Variants in USP21 observed in about 807,000 individuals in gnomAD.
The protein encoded by USP21 is ubiquitin specific peptidase 21.
In USP21, 37 loss-of-function variants were observed where a neutral mutation model predicts 70.8. The observed-to-expected ratio is 0.52, with a 90% CI of 0.40 to 0.69. The LOEUF is 0.69. Among genes scored for constraint, USP21 ranks in the 30% least tolerant of loss-of-function variants. The pLI is 0.00. For synonymous variants in USP21, 263 were observed against 283.1 expected (o/e 0.93, Z 0.71); for missense variants, 584 against 740.8 (o/e 0.79, Z 2.46).
chr1:161,163,097 C>A (rs779342428), intron 7 of USP21, 23 bp downstream of exon 7: 2 of 1,565,046 alleles, frequency 1.3e-6, no homozygotes, highest in Admixed American at 4.0e-5. Flanking sequence ...CCCTCTACCT[C>A]CTTTCCCCGT....
intron 8 of USP21, 80 bp downstream of exon 8, chr1:161,163,699 A>G (rs942919068): frequency 6.8e-7 from 1 of 1,472,624 alleles, no homozygotes; most frequent in East Asian, 2.3e-5. Context: ...CGATACTATC[A>G]AGGGGTATGG....
chr1:161,161,086 C>T lies in USP21; in HGVS notation c.446C>T (p.Pro149Leu), dbSNP rs762176011. 7.4e-6 allele frequency: 12 copies of T among 1,614,132 alleles called. No individual in the cohort carries two copies. The highest frequency in any genetic ancestry group is 6.7e-5 in the African/African-American group (5 of 74,940). ...CGCTTGGCCCTCCGGCCTGAGCCAC[C>T]CACTTTGAGACGTAGCACTTCTCTC... Reference protein sequence around the residue: ...LSRLALRPEPPTLRRSTSLRR... With the variant: ...LSRLALRPEPLTLRRSTSLRR... The change falls in exon 3 of 14, where the codon CCC becomes CTC. Residue 149 changes from proline to leucine, a missense_variant. By Grantham distance (98) the Pro-to-Leu change is moderately conservative. Around this residue, in one of 4 missense-constraint regions of USP21, gnomAD observed 284 missense variants for 281.0 expected, o/e 1.01. Transcript: ENST00000368002. The surrounding 1 kb of genome is among the most constrained non-coding windows in gnomAD (Gnocchi z 4.2).
In USP21 at chr1:161,164,883, T is replaced by C. The variant is rs763064946; in HGVS notation, c.1433T>C (p.Val478Ala). ...ASRGSIKKSS[V>A]GVDFPLQRLS... is the part of the protein sequence containing the mutation. ...CGAGGCTCCATCAAAAAAAGTTCAG[T>C]AGGTGTAGACTTTCCACTGCAGCGA... Residue 478 changes from valine (V) to alanine (A), a missense_variant, in exon 12 of 14, where the codon GTA becomes GCA. By Grantham distance (64) the Val-to-Ala change is moderately conservative. Transcript: ENST00000368002. The surrounding 1 kb of genome is among the most constrained non-coding windows in gnomAD (Gnocchi z 4.2). 3 of 1,614,092 alleles carry C rather than the reference T, an allele frequency of 1.9e-6. No individual in the cohort carries two copies. The highest frequency in any genetic ancestry group is 2.5e-6 in the Non-Finnish European group (3 of 1,179,988).
Position 161,161,805 on chromosome 1 carries a change from G to C in USP21, c.601-233G>C, listed in dbSNP as rs1313028605. 1.7e-6 allele frequency: 1 copy of C among 571,966 alleles called. No homozygotes were observed. Among genetic ancestry groups the C allele is most frequent in the Non-Finnish European group, 3.1e-6 (1 of 318,250 alleles). 35.4% of individuals were successfully genotyped at this position (571,966 alleles called of 1,614,324 possible). ...GTCAGCTAGCTGAGCAGAGGAGTAA[G>C]TGGGCAACAGGTGGGACAGCCATGG... is the stretch of plus-strand genomic sequence containing the variant. On this transcript the variant is annotated intron_variant, in intron 3 of 13. Coordinates refer to ENST00000368002, the MANE Select transcript of USP21 (RefSeq NM_001014443.3). The surrounding 1 kb of genome is among the most constrained non-coding windows in gnomAD (Gnocchi z 4.2).
At position 161,165,081 on chromosome 1, in the gene USP21, C is replaced by T. The variant is rs778485772; in HGVS notation, c.1545C>T (p.His515=). 3 of 1,614,064 alleles carry T rather than the reference C, an allele frequency of 1.9e-6. No individual in the cohort carries two copies. The highest frequency in any genetic ancestry group is 2.5e-6 in the Non-Finnish European group (3 of 1,180,024). The part of the protein sequence containing the change: ...YALCNHSGSV[H]YGHYTALCRC... ...TTTGCAACCACTCAGGCAGCGTCCA[C>T]TATGGCCACTACACAGCCCTGTGCC... is the stretch of plus-strand genomic sequence containing the variant. Residue 515 remains histidine (H), a synonymous_variant, in exon 13 of 14, where the codon CAC becomes CAT. Coordinates refer to ENST00000368002, the MANE Select transcript of USP21 (RefSeq NM_001014443.3).
rs770960871 is a variant in USP21, at chr1:161,165,393, C to T, written c.1644C>T (p.Ser548=). The T allele has an allele frequency of 1.2e-6, 2 of 1,614,018 alleles. No homozygotes were observed. The highest frequency in any genetic ancestry group is 1.7e-5 in the Admixed American group (1 of 60,000). Residue 548 remains serine, a synonymous_variant, in exon 14 of 14, where the codon AGC becomes AGT. Coordinates refer to ENST00000368002, the MANE Select transcript of USP21 (RefSeq NM_001014443.3). ...TCAGTGAAAACCAGGTGGCATCCAG[C>T]GAGGGCTACGTGCTGTTCTACCAAC... ...SPVSENQVAS[S]EGYVLFYQLM...
chr1:161,160,425 G>T lies in USP21; in HGVS notation c.-103G>T. 1 of 639,334 alleles carries T rather than the reference G, an allele frequency of 1.6e-6. No homozygotes were observed. Among genetic ancestry groups the T allele is most frequent in the African/African-American group, 1.8e-5 (1 of 55,174 alleles). 39.6% of individuals were successfully genotyped at this position (639,334 alleles called of 1,614,324 possible). ...GGTTCCTGCCCTCAGTGCGTATACT[G>T]CTCCCCACTTTCGTTGATGTGGTAG... is the stretch of plus-strand genomic sequence containing the variant. On this transcript the variant is annotated 5_prime_UTR_variant, in exon 2 of 14. Transcript: ENST00000368002.
chr1:161,163,754 A>AT (rs1344349512), intron 8 of USP21, 124 bp from the exon 9 acceptor site: 1 of 1,329,870 alleles, frequency 7.5e-7, no homozygotes, highest in Non-Finnish European at 1.1e-6. Context: ...TGAAGAGTTG[A>AT]TTAGGAGTGT....
At position 161,160,881 on chromosome 1, in the gene USP21, C is replaced by T; in HGVS notation, c.241C>T (p.Pro81Ser). 2 of 1,614,222 alleles carry T rather than the reference C, an allele frequency of 1.2e-6. No individual in the cohort carries two copies. The highest frequency in any genetic ancestry group is 1.3e-5 in the African/African-American group (1 of 75,058). Residue 81 changes from proline (P) to serine (S), a missense_variant, in exon 3 of 14, where the codon CCC becomes TCC. By Grantham distance (74) the Pro-to-Ser change is moderately conservative (BLOSUM62 -1). This residue lies in a region of USP21 where 284 missense variants were observed against 281.0 expected (regional missense o/e 1.01). Transcript: ENST00000368002. Reference sequence around the variant, plus strand: ...GACCTCAGGCCCTCGTCCCAGAGGCCCCCTTCGAGCAGATCATGGGGTTCC... The same window carrying T: ...GACCTCAGGCCCTCGTCCCAGAGGCTCCCTTCGAGCAGATCATGGGGTTCC... ...GRTSGPRPRGPLRADHGVPLP... is the reference protein window; with the variant it reads ...GRTSGPRPRGSLRADHGVPLP...
In USP21 at chr1:161,162,346, G is replaced by T. The variant is rs1282983608; in HGVS notation, c.737G>T (p.Arg246Leu). The change falls in exon 5 of 14, where the codon CGG (arginine) becomes CTG (leucine). Residue 246 changes from arginine to leucine, a missense_variant. Transcript: ENST00000368002. The surrounding 1 kb of genome is among the most constrained non-coding windows in gnomAD (Gnocchi z 4.1). ...LRDFCLRRDF[R>L]QEVPGGGRAQ... ...GACTTCTGTCTGAGAAGGGACTTCC[G>T]GCAAGAGGTGCCTGGAGGAGGCCGA... 1 of 1,613,446 alleles carries T rather than the reference G, an allele frequency of 6.2e-7. No homozygotes were observed. Among genetic ancestry groups the T allele is most frequent in the Non-Finnish European group, 8.5e-7 (1 of 1,179,742 alleles).
Position 161,160,707 on chromosome 1 carries a change from G to A in USP21, c.67G>A (p.Val23Met). 6.2e-7 allele frequency: 1 copy of A among 1,614,178 alleles called. No individual in the cohort carries two copies. The highest frequency in any genetic ancestry group is 1.3e-5 in the African/African-American group (1 of 75,034). Residue 23 changes from valine (V) to methionine (M), a missense_variant, in exon 3 of 14, where the codon GTG becomes ATG. Val to Met is a conservative substitution (Grantham distance 21). Coordinates refer to ENST00000368002, the MANE Select transcript of USP21 (RefSeq NM_001014443.3). ...GCCACCTGTTAATATCCAGCCCCGAGTGGGATCCAAGCTACCATTTGCCCC... is the reference window on the plus strand; with the variant it reads ...GCCACCTGTTAATATCCAGCCCCGAATGGGATCCAAGCTACCATTTGCCCC... ...REPPVNIQPRVGSKLPFAPRA... is the reference protein window; with the variant it reads ...REPPVNIQPRMGSKLPFAPRA...
chr1:161,162,156 G>T lies in USP21; in HGVS notation c.660+59G>T, dbSNP rs1657975335. On this transcript the variant is annotated intron_variant, in intron 4 of 13. Transcript: ENST00000368002. The surrounding 1 kb of genome is among the most constrained non-coding windows in gnomAD (Gnocchi z 4.1). ...AGGAATGTGAAATGGTGCTGGGGGT[G>T]GGGAAAACCCACGAGCTTGGGGAAG... The T allele has an allele frequency of 3.1e-6, 5 of 1,612,874 alleles. No homozygotes were observed. The highest frequency in any genetic ancestry group is 1.3e-5 in the African/African-American group (1 of 74,982).
chr1:161,163,841 C>G, intron 8 of USP21, 37 bp from the exon 9 acceptor site: 3 of 1,581,472 alleles, frequency 1.9e-6, no homozygotes, highest in Non-Finnish European at 2.6e-6. Flanking sequence ...TAACATCCAA[C>G]AATGACCTTT....
At chr1:161,163,707 T>G in intron 8 of USP21, 88 bp downstream of exon 8, 1 of 1,445,176 alleles carries the variant, frequency 6.9e-7, no homozygotes, top group Non-Finnish European at 9.7e-7. Flanking sequence ...TCAAGGGGTA[T>G]GGGAACAAGA....
chr1:161,160,447 G>T lies in USP21; in HGVS notation c.-81G>T. On this transcript the variant is annotated 5_prime_UTR_variant, in exon 2 of 14. Coordinates refer to ENST00000368002, the MANE Select transcript of USP21 (RefSeq NM_001014443.3). ...ACTGCTCCCCACTTTCGTTGATGTG[G>T]TAGTGGTGATGACTGAGCCAACCAC... 3 of 692,274 alleles carry T rather than the reference G, an allele frequency of 4.3e-6. No homozygotes were observed. The highest frequency in any genetic ancestry group is 7.7e-6 in the Non-Finnish European group (3 of 388,676). The allele number at this position is 692,274 out of a possible 1,614,324, so 42.9% of individuals were successfully genotyped here. A position where few individuals can be genotyped will look rare whatever the true frequency, so the allele number is the denominator to read the frequency against.
chr1:161,163,461 AG>A, intron 7 of USP21, 93 bp from the exon 8 acceptor site: 1 of 1,112,034 alleles, frequency 9.0e-7, no homozygotes, highest in Non-Finnish European at 1.4e-6. Context: ...GTGGATGGGG[AG>A]TAGGGCTCTG....
chr1:161,163,817 A>G (rs1658143713), intron 8 of USP21, 61 bp from the exon 9 acceptor site: 1 of 1,514,520 alleles, frequency 6.6e-7, no homozygotes, highest in Admixed American at 1.7e-5. Context: ...ATGGAAATCC[A>G]AGAAATCATC....
Position 161,165,158 on chromosome 1 carries a change from C to A in USP21, c.1607+15C>A. 6.2e-7 allele frequency: 1 copy of A among 1,606,138 alleles called. No homozygotes were observed. Among genetic ancestry groups the A allele is most frequent in the Non-Finnish European group, 8.5e-7 (1 of 1,173,540 alleles). On this transcript the variant is annotated intron_variant, in intron 13 of 13. Coordinates refer to ENST00000368002, the MANE Select transcript of USP21 (RefSeq NM_001014443.3). ...AATGACTCTCGGTGAGAATAGCCTCCTATTTACATCCTGCCCCATTCCCAC... is the reference window on the plus strand; with the variant it reads ...AATGACTCTCGGTGAGAATAGCCTCATATTTACATCCTGCCCCATTCCCAC...
rs1057511684 is a variant in USP21 at position 161,163,025 on chromosome 1, C to A, written c.1000C>A (p.Pro334Thr). 6.2e-7 allele frequency: 1 copy of A among 1,613,362 alleles called. No individual in the cohort carries two copies. The highest frequency in any genetic ancestry group is 1.7e-5 in the Admixed American group (1 of 59,720). ...APPILANGPV[P>T]SPPRRGGALL... is the part of the protein sequence containing the mutation. ...ACCGATACTTGCCAATGGTCCAGTT[C>A]CCTCTCCACCCCGCCGAGGAGGGGC... The change falls in exon 7 of 14, where the codon CCC becomes ACC. Residue 334 changes from proline to threonine, a missense_variant. By Grantham distance (38) the Pro-to-Thr change is conservative. Around this residue, in one of 4 missense-constraint regions of USP21, gnomAD observed 40 missense variants for 29.3 expected, o/e 1.37. Coordinates refer to ENST00000368002, the MANE Select transcript of USP21 (RefSeq NM_001014443.3).
Sources: allele counts gnomAD v4.1 joint callset, GRCh38; gene constraint gnomAD v4.1.1; regional missense constraint gnomAD v4.1.1; non-coding constraint Gnocchi (gnomAD v3.1); transcripts MANE v1.5; gene names NCBI Gene and HGNC (gene_info 2026-07-23, HGNC 2026-07-21).